The following KCNJ6 variants were observed in gnomAD, a reference collection of about 807,000 sequenced individuals.
KCNJ6 encodes the protein potassium inwardly rectifying channel subfamily J member 6.
KCNJ6 carries 9 observed loss-of-function variants against 34.2 expected under a neutral mutation model. The ratio of observed to expected loss-of-function variants is 0.26; its 90% CI spans 0.16 to 0.46. KCNJ6 has a LOEUF of 0.46. Ranked by LOEUF, KCNJ6 falls within the 20% of genes least tolerant of loss-of-function variation. KCNJ6 has a pLI of 1.00. For synonymous variants in KCNJ6, 196 were observed against 207.1 expected (o/e 0.95, Z 0.46); for missense variants, 236 against 531.3 (o/e 0.44, Z 5.46).
intron 1 of KCNJ6, among the ~76,000 whole-genome samples, chr21:37,904,149 C>G (rs764712642): frequency 6.6e-6 from 1 of 152,202 alleles, no homozygotes; most frequent in African/African-American, 2.4e-5. Flanking sequence ...AGGTTTCACA[C>G]TTTTTGTGGG....
chr21:37,670,196 T>G (rs567327326), intron 3 of KCNJ6, among the ~76,000 whole-genome samples: 29 of 152,352 alleles, frequency 1.9e-4, no homozygotes, highest in Admixed American at 3.3e-4. Flanking sequence ...ATTTCTGGAC[T>G]CTAAATTCTA....
At chr21:37,683,997 C>T (rs752885945) in intron 3 of KCNJ6, among the ~76,000 whole-genome samples, 7 of 152,238 alleles carry the variant, frequency 4.6e-5, no homozygotes, top group Admixed American at 6.5e-5. Flanking sequence ...TTCTGTGTCA[C>T]ACCTACTCCA....
At chr21:37,907,958 C>T (rs1456938808) in intron 1 of KCNJ6, among the ~76,000 whole-genome samples, 3 of 152,290 alleles carry the variant, frequency 2.0e-5, no homozygotes, top group Non-Finnish European at 2.9e-5. Context: ...CTTCATTAAA[C>T]AGAAGTTCCA....
At chr21:37,903,547 A>T (rs2055826804) in intron 1 of KCNJ6, among the ~76,000 whole-genome samples, 1 of 152,164 alleles carries the variant, frequency 6.6e-6, no homozygotes, top group African/African-American at 2.4e-5. Flanking sequence ...GGACAGAGTG[A>T]TTGGATCTGT....
intron 1 of KCNJ6, among the ~76,000 whole-genome samples, chr21:37,866,779 C>T (rs1481612477): frequency 6.6e-6 from 1 of 152,162 alleles, no homozygotes; most frequent in East Asian, 1.9e-4. Context: ...ACAGGATGAA[C>T]TAGAGATGGC....
At chr21:37,879,552 C>T (rs952278523) in intron 1 of KCNJ6, among the ~76,000 whole-genome samples, 5 of 152,188 alleles carry the variant, frequency 3.3e-5, no homozygotes, top group Admixed American at 1.3e-4. Context: ...TCAGTTCATC[C>T]GAGATCATGT....
chr21:37,677,565 A>G (rs1277482718), intron 3 of KCNJ6, among the ~76,000 whole-genome samples: 2 of 151,780 alleles, frequency 1.3e-5, no homozygotes, highest in Non-Finnish European at 2.9e-5. Flanking sequence ...TATGTTTCAT[A>G]TGAGTTCATC....
rs192662787 is a variant in KCNJ6 at position 37,610,704 on chromosome 21, C to T, written c.*14455G>A. On this transcript the variant is annotated 3_prime_UTR_variant, in exon 4 of 4. Coordinates refer to ENST00000609713, the MANE Select transcript of KCNJ6 (RefSeq NM_002240.5). Reference sequence around the variant, plus strand: ...GTAACAGAAAGGTAGCTGGAAAATGCCAAAATACTTGGAGATTAAACAACA... The same window carrying T: ...GTAACAGAAAGGTAGCTGGAAAATGTCAAAATACTTGGAGATTAAACAACA... 1.3e-5 allele frequency: 2 copies of T among 150,838 alleles called. No individual in the cohort carries two copies. Among genetic ancestry groups the T allele is most frequent in the East Asian group, 3.9e-4 (2 of 5,136 alleles). 9.3% of individuals were successfully genotyped at this position (150,838 alleles called of 1,614,324 possible).
chr21:37,648,599 C>T (rs1299446576), intron 3 of KCNJ6, among the ~76,000 whole-genome samples: 2 of 152,096 alleles, frequency 1.3e-5, no homozygotes, highest in Non-Finnish European at 2.9e-5. Flanking sequence ...TGCATTTTCT[C>T]CTAACCAAAT....
chr21:37,686,019 AAGT>A (rs1444979675), intron 3 of KCNJ6, among the ~76,000 whole-genome samples: 1 of 152,096 alleles, frequency 6.6e-6, no homozygotes, highest in Non-Finnish European at 1.5e-5. Context: ...AAAGGCACCC[AAGT>A]GACAGTGAGC....
chr21:37,733,923 T>C (rs2054899744), intron 2 of KCNJ6, among the ~76,000 whole-genome samples: 1 of 152,224 alleles, frequency 6.6e-6, no homozygotes, highest in Non-Finnish European at 1.5e-5. Flanking sequence ...GACAACTTGG[T>C]TTCCTGTGAA....
At chr21:37,783,599 T>C (rs2055179851) in intron 2 of KCNJ6, among the ~76,000 whole-genome samples, 1 of 152,212 alleles carries the variant, frequency 6.6e-6, no homozygotes, top group Non-Finnish European at 1.5e-5. Context: ...GAAAATGGAC[T>C]AATACACCTT....
chr21:37,676,677 G>T (rs2054566286), intron 3 of KCNJ6, among the ~76,000 whole-genome samples: 1 of 152,258 alleles, frequency 6.6e-6, no homozygotes, highest in Admixed American at 6.5e-5. Flanking sequence ...TCTCAGCAGG[G>T]TTGTGTTGGC....
At chr21:37,800,929 C>T (rs184363909) in intron 2 of KCNJ6, among the ~76,000 whole-genome samples, 2 of 152,286 alleles carry the variant, frequency 1.3e-5, no homozygotes, top group Non-Finnish European at 2.9e-5. Flanking sequence ...CAGAGAGAGA[C>T]TGAACTACAG....
At chr21:37,810,313 A>G (rs1292087616) in intron 2 of KCNJ6, among the ~76,000 whole-genome samples, 1 of 152,220 alleles carries the variant, frequency 6.6e-6, no homozygotes, top group Non-Finnish European at 1.5e-5. Flanking sequence ...TTTTTCATTG[A>G]TGGAAATTTA....
At chr21:37,659,727 C>G (rs892498869) in intron 3 of KCNJ6, among the ~76,000 whole-genome samples, 2 of 152,348 alleles carry the variant, frequency 1.3e-5, no homozygotes, top group Admixed American at 1.3e-4. Context: ...ACAATCATCC[C>G]TGATACCTGA....
At chr21:37,641,421 C>T (rs555763249) in intron 3 of KCNJ6, among the ~76,000 whole-genome samples, 31 of 151,904 alleles carry the variant, frequency 2.0e-4, no homozygotes, top group African/African-American at 6.0e-4. Flanking sequence ...ACTGAGAATC[C>T]GAATAAATAT....
At chr21:37,643,073 C>G (rs537914436) in intron 3 of KCNJ6, among the ~76,000 whole-genome samples, 1 of 152,174 alleles carries the variant, frequency 6.6e-6, no homozygotes, top group East Asian at 1.9e-4. Context: ...GTGGGGGGGA[C>G]AGCTTAACAA....
chr21:37,773,164 T>C (rs1437468345), intron 2 of KCNJ6, among the ~76,000 whole-genome samples: 1 of 152,162 alleles, frequency 6.6e-6, no homozygotes, highest in African/African-American at 2.4e-5. Flanking sequence ...ACTGTTTTCT[T>C]GAACTCATGT....
Sources: gnomAD v4.1 joint callset for allele counts (sites outside exome capture counted in the v4.1 genomes callset) on GRCh38, gnomAD v4.1.1 for gene constraint, MANE v1.5 for transcripts, NCBI Gene and HGNC (gene_info 2026-07-23, HGNC 2026-07-21) for gene names.